LRP12: variants seen among roughly 807,000 people sequenced by gnomAD.
The protein encoded by LRP12 is low-density lipoprotein receptor-related protein 12.
Under a neutral mutation model 66.0 loss-of-function variants are expected in LRP12, and 14 were observed. The ratio of observed to expected loss-of-function variants is 0.21; its 90% CI spans 0.14 to 0.33. LRP12 has a LOEUF of 0.33. Ranked by LOEUF, LRP12 falls within the 10% of genes least tolerant of loss-of-function variation. The pLI is 1.00. For missense variants in LRP12, 889 were observed against 1,053.4 expected, an observed-to-expected ratio of 0.84 and a Z score of 2.16; for synonymous variants, 357 against 359.1, an observed-to-expected ratio of 0.99 and a Z score of 0.07.
At chr8:104,513,118 G>C (rs1811021450) in intron 2 of LRP12, among the ~76,000 whole-genome samples, 1 of 151,944 alleles carries the variant, frequency 6.6e-6, no homozygotes, top group Non-Finnish European at 1.5e-5. Flanking sequence ...ATATGCTGTA[G>C]CACAGCCATA....
At chr8:104,495,329 G>T in intron 5 of LRP12, 120 bp from the exon 6 acceptor site, 1 of 1,007,866 alleles carries the variant, frequency 9.9e-7, no homozygotes, top group Non-Finnish European at 1.5e-6. Context: ...TTAAAGCTTA[G>T]TCATTTGACA....
At chr8:104,491,586 AAGAT>A (rs1564127623) in intron 6 of LRP12, 47 bp from the exon 7 acceptor site, 2 of 1,166,844 alleles carry the variant, frequency 1.7e-6, no homozygotes, top group Non-Finnish European at 2.2e-6. Flanking sequence ...ACAAGGTACT[AAGAT>A]AAAAAAAAAA....
intron 2 of LRP12, among the ~76,000 whole-genome samples, chr8:104,516,816 C>G (rs986979116): frequency 6.6e-6 from 1 of 151,926 alleles, no homozygotes; most frequent in Non-Finnish European, 1.5e-5. Context: ...TTCATAGTTT[C>G]AAAACACCTA....
At chr8:104,551,955 C>T (rs1386074539) in intron 1 of LRP12, among the ~76,000 whole-genome samples, 1 of 152,134 alleles carries the variant, frequency 6.6e-6, no homozygotes, top group Non-Finnish European at 1.5e-5. Context: ...AGGCATGAAA[C>T]ATCCTCTGCA....
chr8:104,532,970 T>C (rs748135581), intron 1 of LRP12, among the ~76,000 whole-genome samples: 10 of 152,140 alleles, frequency 6.6e-5, no homozygotes, highest in East Asian at 1.9e-4. Context: ...GCCTGGCACA[T>C]AGCATTGAAC....
intron 5 of LRP12, chr8:104,495,435 G>C: frequency 2.4e-6 from 1 of 412,116 alleles, no homozygotes; most frequent in Non-Finnish European, 4.3e-6. Context: ...TAGAAGCCTA[G>C]ATCACTGAGT....
At chr8:104,572,091 T>C (rs1269867555) in intron 1 of LRP12, among the ~76,000 whole-genome samples, 3 of 152,262 alleles carry the variant, frequency 2.0e-5, no homozygotes, top group South Asian at 4.1e-4. Context: ...ATAAAACTAG[T>C]GATTGATGCA....
intron 2 of LRP12, among the ~76,000 whole-genome samples, chr8:104,516,763 G>A (rs75066705): frequency 0.04 from 6,102 of 152,028 alleles, 182 homozygotes; most frequent in Non-Finnish European, 0.065. Context: ...GAAAGAGGGA[G>A]GATCACTTCA....
At chr8:104,547,695 ATATAT>A (rs1233523386) in intron 1 of LRP12, among the ~76,000 whole-genome samples, 36 of 126,116 alleles carry the variant, frequency 2.9e-4, no homozygotes, top group African/African-American at 8.8e-4. Flanking sequence ...ATATAAAATC[ATATAT>A]TATATATAAT....
At chr8:104,578,488 A>T (rs1452197106) in intron 1 of LRP12, among the ~76,000 whole-genome samples, 1 of 152,186 alleles carries the variant, frequency 6.6e-6, no homozygotes, top group African/African-American at 2.4e-5. Flanking sequence ...TTCCTGCTGT[A>T]ACTATTCAAA....
chr8:104,577,294 T>C (rs540169672), intron 1 of LRP12, among the ~76,000 whole-genome samples: 1 of 152,304 alleles, frequency 6.6e-6, no homozygotes, highest in East Asian at 1.9e-4. Context: ...CATTGCCAGA[T>C]GGCACGTACT....
intron 1 of LRP12, among the ~76,000 whole-genome samples, chr8:104,560,400 G>A (rs550035254): frequency 5.3e-5 from 8 of 151,890 alleles, no homozygotes; most frequent in African/African-American, 7.2e-5. Context: ...AGCACACAAC[G>A]GTGTGCTTAC....
intron 1 of LRP12, among the ~76,000 whole-genome samples, chr8:104,569,224 A>G (rs551508617): frequency 2.0e-5 from 3 of 152,302 alleles, no homozygotes; most frequent in South Asian, 2.1e-4. Flanking sequence ...AGGCAAATCC[A>G]TAGTGACAGA....
chr8:104,511,622 A>G (rs1197586769), intron 2 of LRP12, among the ~76,000 whole-genome samples: 1 of 152,242 alleles, frequency 6.6e-6, no homozygotes, highest in African/African-American at 2.4e-5. Flanking sequence ...AATTTTATCC[A>G]TAATGATCAA....
At chr8:104,554,579 A>G (rs1354574113) in intron 1 of LRP12, among the ~76,000 whole-genome samples, 1 of 152,098 alleles carries the variant, frequency 6.6e-6, no homozygotes, top group East Asian at 1.9e-4. Context: ...AAACAAGGAA[A>G]AAAGAATTAA....
At chr8:104,539,783 TA>T (rs1002442526) in intron 1 of LRP12, among the ~76,000 whole-genome samples, 11 of 151,048 alleles carry the variant, frequency 7.3e-5, no homozygotes, top group African/African-American at 2.7e-4. Flanking sequence ...TGTGAGAAGA[TA>T]AAAAAAAATG....
intron 1 of LRP12, among the ~76,000 whole-genome samples, chr8:104,575,873 A>G (rs1463770625): frequency 6.6e-6 from 1 of 152,186 alleles, no homozygotes; most frequent in African/African-American, 2.4e-5. Context: ...GCTAAAAATC[A>G]TGATAAAACA....
intron 1 of LRP12, among the ~76,000 whole-genome samples, chr8:104,555,304 T>G (rs901960169): frequency 3.3e-5 from 5 of 152,056 alleles, no homozygotes; most frequent in Non-Finnish European, 4.4e-5. Context: ...ATGAAAAGAA[T>G]AGTACCTCGC....
At chr8:104,577,554 T>C (rs1297695580) in intron 1 of LRP12, among the ~76,000 whole-genome samples, 1 of 152,134 alleles carries the variant, frequency 6.6e-6, no homozygotes, top group African/African-American at 2.4e-5. Flanking sequence ...CTCACGCCTG[T>C]AATCCCACCA....
Sources: gnomAD v4.1 joint callset for allele counts (sites outside exome capture counted in the v4.1 genomes callset) on GRCh38, gnomAD v4.1.1 for gene constraint, MANE v1.5 for transcripts, NCBI Gene and HGNC (gene_info 2026-07-23, HGNC 2026-07-21) for gene names.